PMFBP1: variants seen among roughly 807,000 people sequenced by gnomAD.
PMFBP1 encodes polyamine modulated factor 1 binding protein 1, also known as polyamine-modulated factor 1-binding protein 1.
Under a neutral mutation model 137.8 loss-of-function variants are expected in PMFBP1, and 131 were observed. The ratio of observed to expected loss-of-function variants is 0.95; its 90% CI spans 0.82 to 1.10. The LOEUF is 1.10. Ranked by LOEUF, PMFBP1 falls within the 50% of genes least tolerant of loss-of-function variation. The probability of loss-of-function intolerance (pLI) is 0.00; values close to 1 mark genes in which losing one functional copy is unlikely to be tolerated. For synonymous variants in PMFBP1, 490 were observed against 450.4 expected (o/e 1.09, Z -1.11); for missense variants, 1,199 against 1,175.4 (o/e 1.02, Z -0.29).
In PMFBP1 at chr16:72,124,925, A is replaced by G. The variant is rs1211464752; in HGVS notation, c.2431T>C (p.Phe811Leu). ...CTCATCTCCTCTAGCTTCTTGTCAAAGGCGTGCACCTACTCAGGAGAGCAA... is the reference window on the plus strand; with the variant it reads ...CTCATCTCCTCTAGCTTCTTGTCAAGGGCGTGCACCTACTCAGGAGAGCAA... ...HQESELEVHAFDKKLEEMSCQ... is the reference protein window; with the variant it reads ...HQESELEVHALDKKLEEMSCQ... The change falls in exon 17 of 21, where the codon TTT (phenylalanine) becomes CTT (leucine). Residue 811 changes from phenylalanine to leucine, a missense_variant. By Grantham distance (22) the Phe-to-Leu change is conservative. Transcript: ENST00000237353. 1.9e-6 allele frequency: 3 copies of G among 1,613,646 alleles called. No individual in the cohort carries two copies. Among genetic ancestry groups the G allele is most frequent in the Non-Finnish European group, 2.5e-6 (3 of 1,179,876 alleles).
chr16:72,138,850 T>C (rs2144337296), intron 7 of PMFBP1, among the ~76,000 whole-genome samples: 1 of 151,686 alleles, frequency 6.6e-6, no homozygotes, highest in African/African-American at 2.4e-5. Flanking sequence ...ATGGTTTAAC[T>C]GCTCATTTAT....
At chr16:72,164,727 G>A in intron 3 of PMFBP1, 37 bp downstream of exon 3, 1 of 1,552,748 alleles carries the variant, frequency 6.4e-7, no homozygotes, top group Non-Finnish European at 8.7e-7. Flanking sequence ...CAGAAGTCAA[G>A]AGAGCAGGGG....
upstream of PMFBP1, among the ~76,000 whole-genome samples, chr16:72,176,014 A>G (rs1300792051): frequency 6.6e-6 from 1 of 152,134 alleles, no homozygotes; most frequent in African/African-American, 2.4e-5. Context: ...AAAGGAGAAA[A>G]TCCCTGGTAG....
the PMFBP1 span, among the ~76,000 whole-genome samples, chr16:72,182,052 G>A: frequency 2.0e-5 from 3 of 152,238 alleles, no homozygotes; most frequent in African/African-American, 4.8e-5. Flanking sequence ...GTCTTGGGCT[G>A]CATGTGGCCC....
the PMFBP1 span, among the ~76,000 whole-genome samples, chr16:72,194,342 C>CT: frequency 1.8e-4 from 27 of 151,262 alleles, no homozygotes; most frequent in African/African-American, 3.4e-4. Context: ...GTTGCACATT[C>CT]TTTTTTTTTG....
the PMFBP1 span, among the ~76,000 whole-genome samples, chr16:72,228,730 G>T: frequency 6.6e-6 from 1 of 151,916 alleles, no homozygotes; most frequent in Admixed American, 6.6e-5. Context: ...CAGATTACTG[G>T]GTCAAAAGGA....
intron 2 of PMFBP1, among the ~76,000 whole-genome samples, chr16:72,168,649 A>G (rs557468114): frequency 1.5e-4 from 23 of 152,314 alleles, no homozygotes; most frequent in African/African-American, 4.8e-4. Context: ...GGCTGAAATC[A>G]TAAGTCTCCA....
At chr16:72,149,819 G>C (rs908799866) in intron 5 of PMFBP1, among the ~76,000 whole-genome samples, 1 of 152,118 alleles carries the variant, frequency 6.6e-6, no homozygotes, top group Non-Finnish European at 1.5e-5. Context: ...TTGAAAGTAA[G>C]TTTTAAAACC....
the PMFBP1 span, among the ~76,000 whole-genome samples, chr16:72,207,393 G>A: frequency 6.6e-6 from 1 of 152,158 alleles, no homozygotes; most frequent in Non-Finnish European, 1.5e-5. Flanking sequence ...AAGAAAAAGG[G>A]ATGGTTTTGA....
At chr16:72,217,346 G>A in the PMFBP1 span, among the ~76,000 whole-genome samples, 2 of 152,062 alleles carry the variant, frequency 1.3e-5, no homozygotes, top group Non-Finnish European at 1.5e-5. Flanking sequence ...TTTCCATATA[G>A]CTGATTGATT....
chr16:72,233,949 T>C, the PMFBP1 span, among the ~76,000 whole-genome samples: 1 of 152,192 alleles, frequency 6.6e-6, no homozygotes, highest in Non-Finnish European at 1.5e-5. Context: ...TATTCCATTG[T>C]ATGGGCAAAC....
chr16:72,132,649 G>A (rs1597464819), intron 10 of PMFBP1, 99 bp downstream of exon 10: 5 of 1,555,616 alleles, frequency 3.2e-6, no homozygotes, highest in Admixed American at 1.8e-5. Flanking sequence ...CTGGAGGAGG[G>A]CGAGGGGAAG....
At chr16:72,193,945 G>A in the PMFBP1 span, among the ~76,000 whole-genome samples, 2 of 150,366 alleles carry the variant, frequency 1.3e-5, no homozygotes, top group Non-Finnish European at 3.0e-5. Flanking sequence ...TGAGGTGGAA[G>A]AGTCTATAGT....
intron 1 of PMFBP1, chr16:72,171,475 C>G: frequency 2.1e-6 from 1 of 470,410 alleles, no homozygotes; most frequent in Non-Finnish European, 3.8e-6. Context: ...TACATCTTTT[C>G]CAGAAAACCA....
At chr16:72,199,487 C>A in the PMFBP1 span, among the ~76,000 whole-genome samples, 1 of 151,948 alleles carries the variant, frequency 6.6e-6, no homozygotes. Context: ...AACCCTGTCT[C>A]TACTAAAAAT....
intron 14 of PMFBP1, 114 bp from the exon 15 acceptor site, chr16:72,126,246 C>T (rs2042456451): frequency 5.8e-6 from 7 of 1,198,646 alleles, no homozygotes; most frequent in Admixed American, 2.3e-5. Context: ...CAGCAACCTG[C>T]AGAGTCCGTG....
At chr16:72,193,361 G>GC in the PMFBP1 span, among the ~76,000 whole-genome samples, 1 of 152,084 alleles carries the variant, frequency 6.6e-6, no homozygotes, top group Non-Finnish European at 1.5e-5. Flanking sequence ...CTGCACTCCA[G>GC]CCTGAGTGAC....
At chr16:72,208,530 A>G in the PMFBP1 span, among the ~76,000 whole-genome samples, 60 of 152,380 alleles carry the variant, frequency 3.9e-4, no homozygotes, top group African/African-American at 1.4e-3. Context: ...ACTTTAAAGT[A>G]GTTTGCATTT....
rs1477470843 is a variant in PMFBP1 at position 72,171,255 on chromosome 16, G to A, written c.-47C>T. On this transcript the variant is annotated 5_prime_UTR_variant, in exon 2 of 21. Transcript: ENST00000237353. Reference sequence around the variant, plus strand: ...TCCTTTAACCTTTAGTATTTTCTGAGCTTTGTTATAAACCTGAAAAAGTCC... The same window carrying A: ...TCCTTTAACCTTTAGTATTTTCTGAACTTTGTTATAAACCTGAAAAAGTCC... The A allele has an allele frequency of 4.4e-6, 7 of 1,605,102 alleles. No individual in the cohort carries two copies. Among genetic ancestry groups the A allele is most frequent in the Non-Finnish European group, 6.0e-6 (7 of 1,172,858 alleles).
Sources: gnomAD v4.1 joint callset for allele counts (sites outside exome capture counted in the v4.1 genomes callset) on GRCh38, gnomAD v4.1.1 for gene constraint, MANE v1.5 for transcripts, NCBI Gene and HGNC (gene_info 2026-07-23, HGNC 2026-07-21) for gene names.